Variants in CLUH observed in about 807,000 individuals in gnomAD.
CLUH encodes the protein clustered mitochondria protein homolog.
A neutral mutation model predicts 139.3 loss-of-function variants in CLUH; 77 were observed. The observed-to-expected ratio is 0.55, with a 90% CI of 0.46 to 0.67. CLUH has a LOEUF of 0.67. Ranked by LOEUF, CLUH falls within the 30% of genes least tolerant of loss-of-function variation. CLUH has a pLI of 0.00. For synonymous variants in CLUH, 999 were observed against 801.6 expected (o/e 1.25, Z -4.16); for missense variants, 1,876 against 1,875.8 (o/e 1.00, Z 0.00).
chr17:2,702,527 T>C (rs913911231), intron 3 of CLUH, among the ~76,000 whole-genome samples: 7 of 152,202 alleles, frequency 4.6e-5, no homozygotes, highest in African/African-American at 1.4e-4. Context: ...GGCAGTTCTT[T>C]TGGTGGAGGG....
In CLUH at chr17:2,694,495, C is replaced by T. The variant is rs1043885801; in HGVS notation, c.2922G>A (p.Leu974=). ...CCATGCCCACCTGGATCCCTGTTTTCAGCGAGATCTCCCGCAGGAGCGTTA... is the reference window on the plus strand; with the variant it reads ...CCATGCCCACCTGGATCCCTGTTTTTAGCGAGATCTCCCGCAGGAGCGTTA... The part of the protein sequence containing the change: ...QKITLLREIS[L]KTGIQVLLKE... Residue 974 remains leucine, a synonymous_variant, in exon 17 of 26, where the codon CTG becomes CTA. Coordinates refer to ENST00000651024, the MANE Select transcript of CLUH (RefSeq NM_001366661.1). 6.3e-7 allele frequency: 1 copy of T among 1,580,880 alleles called. No homozygotes were observed. Among genetic ancestry groups the T allele is most frequent in the Non-Finnish European group, 8.6e-7 (1 of 1,163,724 alleles).
In CLUH at chr17:2,690,575, T is replaced by C. The variant is rs749488978; in HGVS notation, c.*19A>G. 2.5e-5 allele frequency: 36 copies of C among 1,430,866 alleles called. No individual in the cohort carries two copies. The highest frequency in any genetic ancestry group is 2.8e-5 in the Non-Finnish European group (31 of 1,088,468). The allele number at this position is 1,430,866 out of a possible 1,614,324, so 88.6% of individuals were successfully genotyped here. Reference sequence around the variant, plus strand: ...CCTGGTGACGGGGCCGCTGGCTGGCTGTCCGTCTGGCTCCCTCTCTATCCC... The same window carrying C: ...CCTGGTGACGGGGCCGCTGGCTGGCCGTCCGTCTGGCTCCCTCTCTATCCC... On this transcript the variant is annotated 3_prime_UTR_variant, in exon 26 of 26. Coordinates refer to ENST00000651024, the MANE Select transcript of CLUH (RefSeq NM_001366661.1).
Position 2,698,012 on chromosome 17 carries a change from C to A in CLUH, c.1845G>T (p.Leu615=). 3 of 1,602,318 alleles carry A rather than the reference C, an allele frequency of 1.9e-6. No individual in the cohort carries two copies. The change falls in exon 10 of 26, where the codon CTG becomes CTT. Residue 615 remains leucine (L), a synonymous_variant. Transcript: ENST00000651024. ...LRTFPPDLNF[L]PVPGEELPEE... Reference sequence around the variant, plus strand: ...CAGGCAGCTCCTCGCCAGGCACGGGCAGGAAGTTGAGGTCCGGGGGGAAGG... The same window carrying A: ...CAGGCAGCTCCTCGCCAGGCACGGGAAGGAAGTTGAGGTCCGGGGGGAAGG...
chr17:2,695,780 C>T, intron 13 of CLUH: 1 of 595,922 alleles, frequency 1.7e-6, no homozygotes, highest in Non-Finnish European at 2.9e-6. Context: ...CTACTTGACC[C>T]CCAGCCCCGT....
At chr17:2,699,321 CTA>C (rs2070092014) in intron 9 of CLUH, among the ~76,000 whole-genome samples, 1 of 152,134 alleles carries the variant, frequency 6.6e-6, no homozygotes, top group Non-Finnish European at 1.5e-5. Context: ...GGCAGTATAA[CTA>C]TGGGAGGTTG....
chr17:2,705,458 C>T (rs1397561605), intron 1 of CLUH, among the ~76,000 whole-genome samples: 2 of 152,160 alleles, frequency 1.3e-5, no homozygotes, highest in African/African-American at 2.4e-5. Flanking sequence ...CCACACCATG[C>T]AAGCCTGGTA....
chr17:2,689,907 C>CTAGGGAGTAGG lies in CLUH; in HGVS notation c.*686_*687insCCTACTCCCTA, dbSNP rs2069556401. 6.6e-6 allele frequency: 1 copy of CTAGGGAGTAGG among 152,634 alleles called. No individual in the cohort carries two copies. The highest frequency in any genetic ancestry group is 2.1e-4 in the South Asian group (1 of 4,832). 9.5% of individuals were successfully genotyped at this position (152,634 alleles called of 1,614,324 possible). On this transcript the variant is annotated 3_prime_UTR_variant, in exon 26 of 26. Transcript: ENST00000651024. ...CAGCTGGGTGCAGGGAGTAGGGAGC[C>CTAGGGAGTAGG]GAGTCAGAGCCACCCACTGGGCTCT...
chr17:2,711,501 ACCCG>A, intron 1 of CLUH, 57 bp downstream of exon 1: 1 of 306,138 alleles, frequency 3.3e-6, no homozygotes, highest in Non-Finnish European at 4.8e-6. Context: ...GGAGTCCCGA[ACCCG>A]CCCGCCCTGG....
intron 9 of CLUH, among the ~76,000 whole-genome samples, chr17:2,698,818 C>T (rs2070071455): frequency 6.6e-6 from 1 of 152,088 alleles, no homozygotes; most frequent in South Asian, 2.1e-4. Context: ...CCGAGGCGGT[C>T]AGACCACTTG....
chr17:2,691,311 C>G (rs963621514), intron 25 of CLUH, among the ~76,000 whole-genome samples: 9 of 152,030 alleles, frequency 5.9e-5, no homozygotes, highest in African/African-American at 1.9e-4. Flanking sequence ...CGCCTGGAAT[C>G]CCAGCACTCT....
intron 13 of CLUH, 130 bp from the exon 14 acceptor site, chr17:2,695,656 A>T (rs1172864341): frequency 2.5e-6 from 3 of 1,220,142 alleles, no homozygotes; most frequent in Admixed American, 2.8e-5. Context: ...CCCAGTCAGG[A>T]TGTCAGAATG....
At position 2,695,487 on chromosome 17, in the gene CLUH, C is replaced by A; in HGVS notation, c.2431G>T (p.Gly811Trp). 6.2e-7 allele frequency: 1 copy of A among 1,608,892 alleles called. No homozygotes were observed. The highest frequency in any genetic ancestry group is 8.5e-7 in the Non-Finnish European group (1 of 1,179,722). Residue 811 changes from glycine to tryptophan, a missense_variant, in exon 14 of 26, where the codon GGG becomes TGG. This residue lies in a region of CLUH where 1,454 missense variants were observed against 1,384.4 expected (regional missense o/e 1.05). Coordinates refer to ENST00000651024, the MANE Select transcript of CLUH (RefSeq NM_001366661.1). ...CMEHAVLPVDGATLAEVMRQR... is the reference protein window; with the variant it reads ...CMEHAVLPVDWATLAEVMRQR... ...CGCATCACCTCTGCCAGCGTTGCCC[C>A]GTCCACGGGCAGGACCGCGTGCTCC...
Position 2,700,767 on chromosome 17 carries a change from C to A in CLUH, c.1084G>T (p.Ala362Ser), listed in dbSNP as rs756058091. 6.5e-7 allele frequency: 1 copy of A among 1,542,896 alleles called. No homozygotes were observed. The highest frequency in any genetic ancestry group is 8.7e-7 in the Non-Finnish European group (1 of 1,150,510). ...TCCATGGCATGCTCCGCCTGGGGGG[C>A]TGTCCAGCTGTACACCTGGAATGGG... ...ATPFQVYSWT[A>S]PQAEHAMDCV... Residue 362 changes from alanine to serine, a missense_variant, in exon 8 of 26, where the codon GCC (alanine) becomes TCC (serine). Ala to Ser is a moderately conservative substitution (Grantham distance 99). Around this residue, in one of 3 missense-constraint regions of CLUH, gnomAD observed 1,454 missense variants for 1,384.4 expected, o/e 1.05. Coordinates refer to ENST00000651024, the MANE Select transcript of CLUH (RefSeq NM_001366661.1).
At position 2,694,132 on chromosome 17, in the gene CLUH, C is replaced by A. The variant is rs554292311; in HGVS notation, c.3082G>T (p.Val1028Leu). 1 of 1,613,784 alleles carries A rather than the reference C, an allele frequency of 6.2e-7. No individual in the cohort carries two copies. Among genetic ancestry groups the A allele is most frequent in the African/African-American group, 1.3e-5 (1 of 75,056 alleles). Residue 1028 changes from valine (V) to leucine (L), a missense_variant, in exon 18 of 26, where the codon GTG becomes TTG. By Grantham distance (32) the Val-to-Leu change is conservative (BLOSUM62 1). This residue lies in a region of CLUH where 1,454 missense variants were observed against 1,384.4 expected (regional missense o/e 1.05). Transcript: ENST00000651024. ...CCACCTGGCCACACACCCTGCTGCA[C>A]TTTGGCCTGCCCGCTCTGGAAGAAA... ...FHFFQSGQAK[V>L]QQGFLKEGCE... is the part of the protein sequence containing the mutation.
intron 7 of CLUH, 84 bp from the exon 8 acceptor site, chr17:2,700,909 T>C (rs2070154177): frequency 5.5e-6 from 8 of 1,466,306 alleles, no homozygotes; most frequent in Non-Finnish European, 6.3e-6. Context: ...GGCCCCCGCC[T>C]GCTCCGGCAT....
rs1423986800 is a variant in CLUH, at chr17:2,707,493, T to C, written c.101-2929A>G. ...CCCAGGACCCCAGGGGGAGCTGCTATCAGCACTCAGGCCCACCTCCCTATG... is the reference window on the plus strand; with the variant it reads ...CCCAGGACCCCAGGGGGAGCTGCTACCAGCACTCAGGCCCACCTCCCTATG... On this transcript the variant is annotated intron_variant, in intron 1 of 25. Coordinates refer to ENST00000651024, the MANE Select transcript of CLUH (RefSeq NM_001366661.1). This position sits in a 1 kb window ranked among gnomAD's most constrained non-coding sequence, Gnocchi z 7.4. The C allele has an allele frequency of 4.1e-6, 4 of 985,234 alleles. No individual in the cohort carries two copies. Among genetic ancestry groups the C allele is most frequent in the Non-Finnish European group, 4.8e-6 (4 of 829,894 alleles). 61.0% of individuals were successfully genotyped at this position (985,234 alleles called of 1,614,324 possible).
rs1345467402 is a variant in CLUH at position 2,691,895 on chromosome 17, G to C, written c.3655C>G (p.Leu1219Val). The C allele has an allele frequency of 6.5e-7, 1 of 1,533,016 alleles. No individual in the cohort carries two copies. Among genetic ancestry groups the C allele is most frequent in the Admixed American group, 2.0e-5 (1 of 50,612 alleles). The allele number at this position is 1,533,016 out of a possible 1,614,324, so 95.0% of individuals were successfully genotyped here. A position where few individuals can be genotyped will look rare whatever the true frequency, so the allele number is the denominator to read the frequency against. ...KEGYTIYKTQ[L>V]GEDHEKTKES... Reference sequence around the variant, plus strand: ...TTGGTCTTCTCATGGTCCTCGCCCAGCTGCGGGGAGGCGGGAAGGGATCAG... The same window carrying C: ...TTGGTCTTCTCATGGTCCTCGCCCACCTGCGGGGAGGCGGGAAGGGATCAG... Residue 1219 changes from leucine (L) to valine (V), a missense_variant and splice_region_variant, in exon 24 of 26, where the codon CTG becomes GTG. Leu to Val is a conservative substitution (Grantham distance 32). Coordinates refer to ENST00000651024, the MANE Select transcript of CLUH (RefSeq NM_001366661.1).
chr17:2,693,003 G>GA (rs561947413), intron 19 of CLUH, 143 bp from the exon 20 acceptor site: 34 of 694,544 alleles, frequency 4.9e-5, no homozygotes, highest in Admixed American at 3.5e-4. Context: ...CAGCAGGGGG[G>GA]AGGGGGATCA....
In CLUH at chr17:2,691,781, C is replaced by T. The variant is rs766167419; in HGVS notation, c.3769G>A (p.Ala1257Thr). The change falls in exon 24 of 26, where the codon GCC becomes ACC. Residue 1257 changes from alanine (A) to threonine (T), a missense_variant. Transcript: ENST00000651024. ...MNEIYRNGSS[A>T]NIPPLKFTAP... ...CTCACCTTGAGGGGCGGGATGTTGG[C>T]GCTGGAGCCGTTGCGGTAGATCTCG... 1.3e-6 allele frequency: 2 copies of T among 1,592,528 alleles called. No homozygotes were observed. Among genetic ancestry groups the T allele is most frequent in the Non-Finnish European group, 8.5e-7 (1 of 1,170,252 alleles).
Sources: gnomAD v4.1 joint callset for allele counts (sites outside exome capture counted in the v4.1 genomes callset) on GRCh38, gnomAD v4.1.1 for gene constraint, gnomAD v4.1.1 regional missense constraint, Gnocchi (gnomAD v3.1) non-coding constraint, MANE v1.5 for transcripts, NCBI Gene and HGNC (gene_info 2026-07-23, HGNC 2026-07-21) for gene names.